HEMK2: variants seen among roughly 807,000 people sequenced by gnomAD.
HEMK2 encodes methyltransferase HEMK2.
At chr21:28,751,001 C>T in the HEMK2 span, among the ~76,000 whole-genome samples, 174 of 152,122 alleles carry the variant, frequency 1.1e-3, no homozygotes, top group East Asian at 2.9e-3. Flanking sequence ...GAGGCCGAGG[C>T]GGGCGGATCA....
chr21:28,717,160 G>C, the HEMK2 span, among the ~76,000 whole-genome samples: 3 of 152,068 alleles, frequency 2.0e-5, no homozygotes, highest in Admixed American at 6.6e-5. Context: ...CCTCCTCCTT[G>C]ATTTTTTGGA....
the HEMK2 span, among the ~76,000 whole-genome samples, chr21:28,704,322 T>C: frequency 6.6e-6 from 1 of 152,144 alleles, no homozygotes; most frequent in Non-Finnish European, 1.5e-5. Context: ...CTCAAGCAAT[T>C]AAATCTCCTT....
At chr21:28,698,875 A>T in the HEMK2 span, among the ~76,000 whole-genome samples, 18 of 152,048 alleles carry the variant, frequency 1.2e-4, no homozygotes, top group Non-Finnish European at 1.2e-4. Context: ...TAAAAAGACA[A>T]ACTATATCTT....
chr21:28,739,900 A>G, the HEMK2 span, among the ~76,000 whole-genome samples: 1 of 152,146 alleles, frequency 6.6e-6, no homozygotes, highest in Admixed American at 6.5e-5. Context: ...GAAATGGGAA[A>G]TTTTTCCCGA....
chr21:28,780,368 G>A, the HEMK2 span, among the ~76,000 whole-genome samples: 3 of 146,360 alleles, frequency 2.0e-5, no homozygotes, highest in Non-Finnish European at 4.5e-5. Context: ...TAATAGAGAC[G>A]GGGTTTCACC....
At chr21:28,731,441 T>A in the HEMK2 span, among the ~76,000 whole-genome samples, 1 of 152,150 alleles carries the variant, frequency 6.6e-6, no homozygotes, top group African/African-American at 2.4e-5. Context: ...CATGAAAATA[T>A]CCCATTTCAG....
the HEMK2 span, among the ~76,000 whole-genome samples, chr21:28,795,260 T>C: frequency 1.6e-4 from 24 of 152,356 alleles, no homozygotes. Context: ...ATTTTCTTTC[T>C]TAATAGATGA....
the HEMK2 span, among the ~76,000 whole-genome samples, chr21:28,588,884 A>G: frequency 4.9e-4 from 74 of 151,698 alleles, 2 homozygotes; most frequent in South Asian, 0.012. Context: ...TCAGGAGGCT[A>G]AGGCAGGAGA....
the HEMK2 span, among the ~76,000 whole-genome samples, chr21:28,753,853 T>C: frequency 6.6e-6 from 1 of 152,210 alleles, no homozygotes; most frequent in Admixed American, 6.5e-5. Flanking sequence ...AATGCCCTCC[T>C]GTCTCCTTTT....
chr21:28,588,681 C>T, the HEMK2 span, among the ~76,000 whole-genome samples: 1 of 151,928 alleles, frequency 6.6e-6, no homozygotes. Flanking sequence ...AAGAAAAGAG[C>T]TAAAAGGATC....
At chr21:28,841,362 T>TACTATTATATATAA in the HEMK2 span, among the ~76,000 whole-genome samples, 3 of 16,662 alleles carry the variant, frequency 1.8e-4, no homozygotes, top group African/African-American at 2.5e-3. Flanking sequence ...ATATTATATA[T>TACTATTATATATAA]TATATAAAAT....
chr21:28,751,851 G>A, the HEMK2 span, among the ~76,000 whole-genome samples: 1 of 152,016 alleles, frequency 6.6e-6, no homozygotes, highest in Non-Finnish European at 1.5e-5. Flanking sequence ...AGCTAATTTT[G>A]TATTTTTAGT....
chr21:28,583,680 T>G, the HEMK2 span, among the ~76,000 whole-genome samples: 1 of 152,232 alleles, frequency 6.6e-6, no homozygotes, highest in Admixed American at 6.5e-5. Context: ...ATTGGAAGTC[T>G]TGTTAAGACA....
chr21:28,694,760 G>A, the HEMK2 span, among the ~76,000 whole-genome samples: 3 of 152,202 alleles, frequency 2.0e-5, no homozygotes, highest in Non-Finnish European at 2.9e-5. Flanking sequence ...GGAAGGCTGA[G>A]GCGGGAGGAT....
chr21:28,831,470 A>C, the HEMK2 span, among the ~76,000 whole-genome samples: 995 of 37,408 alleles, frequency 0.027, 35 homozygotes, highest in African/African-American at 0.043. Flanking sequence ...AACGAAAGAA[A>C]GAAAGAAAGA....
the HEMK2 span, among the ~76,000 whole-genome samples, chr21:28,624,438 TA>T: frequency 2.2e-4 from 33 of 152,142 alleles, 1 homozygote; most frequent in Admixed American, 1.0e-3. Context: ...AAACAAAGGT[TA>T]AGAGAATGAG....
the HEMK2 span, among the ~76,000 whole-genome samples, chr21:28,849,062 C>A: frequency 2.0e-5 from 3 of 152,250 alleles, no homozygotes; most frequent in Non-Finnish European, 2.9e-5. Flanking sequence ...CTACAGCCAC[C>A]ACCCTGACAA....
chr21:28,602,276 A>G, the HEMK2 span, among the ~76,000 whole-genome samples: 1 of 152,110 alleles, frequency 6.6e-6, no homozygotes, highest in African/African-American at 2.4e-5. Flanking sequence ...GTGCTTATTT[A>G]TTTATTTAGT....
the HEMK2 span, among the ~76,000 whole-genome samples, chr21:28,699,101 C>T: frequency 1.3e-5 from 2 of 152,000 alleles, no homozygotes; most frequent in East Asian, 3.8e-4. Flanking sequence ...TGTTGGAAGT[C>T]ATCTTTCTGA....
Sources: allele counts gnomAD v4.1 joint callset (sites outside exome capture counted in the v4.1 genomes callset), GRCh38; gene constraint gnomAD v4.1.1; transcripts MANE v1.5; gene names NCBI Gene and HGNC (gene_info 2026-07-23, HGNC 2026-07-21).